The following RIMKLB variants were observed in gnomAD, a reference collection of about 807,000 sequenced individuals.
RIMKLB encodes beta-citrylglutamate synthase B.
A neutral mutation model predicts 32.0 loss-of-function variants in RIMKLB; 7 were observed. The ratio of observed to expected loss-of-function variants is 0.22; its 90% confidence interval spans 0.12 to 0.41. RIMKLB has a LOEUF of 0.41. Among genes scored for constraint, RIMKLB ranks in the 10% least tolerant of loss-of-function variants. The pLI is 1.00. For missense variants in RIMKLB, 289 were observed against 498.7 expected (o/e 0.58, Z 4.00); for synonymous variants, 172 against 185.1 (o/e 0.93, Z 0.57).
At chr12:8,748,369 C>T (rs1232290079) in intron 2 of RIMKLB, among the ~76,000 whole-genome samples, 1 of 151,892 alleles carries the variant, frequency 6.6e-6, no homozygotes, top group Non-Finnish European at 1.5e-5. Flanking sequence ...TTATTTCTTA[C>T]TATGCCTAAT....
intron 5 of RIMKLB, among the ~76,000 whole-genome samples, chr12:8,760,699 T>G (rs1259293823): frequency 6.6e-6 from 1 of 152,242 alleles, no homozygotes; most frequent in African/African-American, 2.4e-5. Context: ...TGGCCAGTGA[T>G]GATGAGCATT....
At chr12:8,687,820 GAA>G (rs752174507) in intron 1 of RIMKLB, among the ~76,000 whole-genome samples, 1,620 of 72,892 alleles carry the variant, frequency 0.022, 30 homozygotes, top group African/African-American at 0.088. Context: ...AAGTCAGGAA[GAA>G]AAAAAAAAAA....
upstream of RIMKLB, among the ~76,000 whole-genome samples, chr12:8,680,749 TGAAAAGCGTCGCTA>T (rs1942393954): frequency 6.6e-6 from 1 of 152,294 alleles, no homozygotes; most frequent in East Asian, 1.9e-4. Flanking sequence ...TCAGTTAAGA[TGAAAAGCGTCGCTA>T]GAGATCTTCC....
In RIMKLB at chr12:8,754,006, G is replaced by A; in HGVS notation, c.610G>A (p.Val204Ile). Residue 204 changes from valine (V) to isoleucine (I), a missense_variant, in exon 5 of 6, where the codon GTA becomes ATA. Val to Ile is a conservative substitution (Grantham distance 29). Around this residue, in one of 3 missense-constraint regions of RIMKLB, gnomAD observed 156 missense variants for 329.5 expected, o/e 0.47. Transcript: ENST00000535829. ...KYVKESHGRD[V>I]RVIVVGGRVV... is the part of the protein sequence containing the mutation. Reference sequence around the variant, plus strand: ...TGTTAAAGAGTCTCATGGACGGGATGTACGTGTCATTGTCGTGGGAGGCCG... The same window carrying A: ...TGTTAAAGAGTCTCATGGACGGGATATACGTGTCATTGTCGTGGGAGGCCG... 6.2e-7 allele frequency: 1 copy of A among 1,614,006 alleles called. No individual in the cohort carries two copies. The highest frequency in any genetic ancestry group is 8.5e-7 in the Non-Finnish European group (1 of 1,179,884).
intron 2 of RIMKLB, among the ~76,000 whole-genome samples, chr12:8,746,623 G>A (rs995069393): frequency 3.4e-5 from 5 of 149,056 alleles, no homozygotes; most frequent in Admixed American, 6.7e-5. Flanking sequence ...AAAAGAAAAA[G>A]ATATCAAGAT....
chr12:8,720,178 A>G (rs756896905), intron 2 of RIMKLB, among the ~76,000 whole-genome samples: 3 of 152,364 alleles, frequency 2.0e-5, no homozygotes, highest in Admixed American at 2.0e-4. Flanking sequence ...TAGAATATAG[A>G]ACATTAAGAC....
chr12:8,695,191 G>A (rs1000147896), upstream of RIMKLB, among the ~76,000 whole-genome samples: 2 of 82,884 alleles, frequency 2.4e-5, no homozygotes, highest in African/African-American at 4.6e-5. Context: ...GCACCGCCCC[G>A]CCCCCCCGCC....
upstream of RIMKLB, among the ~76,000 whole-genome samples, chr12:8,694,913 G>T (rs1489294618): frequency 6.6e-6 from 1 of 152,150 alleles, no homozygotes; most frequent in Admixed American, 6.5e-5. Flanking sequence ...GACTGTTTTG[G>T]TATCAGTTAG....
intron 1 of RIMKLB, among the ~76,000 whole-genome samples, chr12:8,709,567 G>A (rs1944189560): frequency 1.3e-5 from 2 of 152,222 alleles, no homozygotes; most frequent in African/African-American, 4.8e-5. Context: ...AAGAAGGCAA[G>A]CAGCTGTTGC....
chr12:8,697,035 C>T (rs1004766570), upstream of RIMKLB: 1 of 152,088 alleles, frequency 6.6e-6, no homozygotes, highest in South Asian at 2.1e-4. Flanking sequence ...TTGGGCTATA[C>T]TTTTATTTTT....
At chr12:8,718,637 G>GTC (rs759765108) in intron 2 of RIMKLB, among the ~76,000 whole-genome samples, 11,765 of 134,888 alleles carry the variant, frequency 0.087, 519 homozygotes, top group East Asian at 0.12. Context: ...GCGAGACTCC[G>GTC]TCTCTCTCTC....
At chr12:8,672,774 G>C in the RIMKLB span, among the ~76,000 whole-genome samples, 1 of 152,118 alleles carries the variant, frequency 6.6e-6, no homozygotes, top group African/African-American at 2.4e-5. Context: ...CCGTGCTCCT[G>C]CTTTCACCAT....
In RIMKLB at chr12:8,728,317, G is replaced by A. The variant is rs192467876; in HGVS notation, c.175+14276G>A. ...CTTGTATTTTTTGGTTGAAAGGTGG[G>A]AATTGTGTAAAAGGAACTGGAGTAA... is the stretch of plus-strand genomic sequence containing the variant. On this transcript the variant is annotated intron_variant, in intron 2 of 5. Transcript: ENST00000535829. 5.3e-4 allele frequency among the ~76,000 whole-genome samples: 80 copies of A among 152,308 alleles called. 1 individual carries two copies. Among genetic ancestry groups the A allele is most frequent in the African/African-American group, 1.8e-3 (73 of 41,554 alleles).
intron 1 of RIMKLB, among the ~76,000 whole-genome samples, chr12:8,683,074 T>C (rs555698538): frequency 6.6e-6 from 1 of 152,196 alleles, no homozygotes; most frequent in African/African-American, 2.4e-5. Flanking sequence ...CTCCATGTCT[T>C]TTGGAGGCCT....
rs199751953 is a variant in RIMKLB, at chr12:8,775,624, CAG to C, written c.*1843_*1844del. The C allele has an allele frequency of 1.5e-5, 15 of 985,694 alleles. No homozygotes were observed. In the East Asian group the frequency reaches 6.8e-4, roughly 45 times the overall value. The allele number at this position is 985,694 out of a possible 1,614,324, so 61.1% of individuals were successfully genotyped here. A position where few individuals can be genotyped will look rare whatever the true frequency, so the allele number is the denominator to read the frequency against. On this transcript the variant is annotated 3_prime_UTR_variant, in exon 6 of 6. Coordinates refer to ENST00000535829, the MANE Select transcript of RIMKLB (RefSeq NM_001297776.2). ...AAAGATCAGTATTAACCAGCTATAA[CAG>C]AGGTTTGATCATGCTTACTTGTACA...
At chr12:8,715,908 A>G (rs1944787191) in intron 2 of RIMKLB, among the ~76,000 whole-genome samples, 2 of 152,176 alleles carry the variant, frequency 1.3e-5, no homozygotes, top group African/African-American at 2.4e-5. Context: ...CTAAAACTCA[A>G]TATTTGTGAC....
rs945225117 is a variant in RIMKLB at position 8,775,631 on chromosome 12, T to G, written c.*1847T>G. ...AGTATTAACCAGCTATAACAGAGGT[T>G]TGATCATGCTTACTTGTACAGTTTT... On this transcript the variant is annotated 3_prime_UTR_variant, in exon 6 of 6. Transcript: ENST00000535829. 1.1e-5 allele frequency: 11 copies of G among 985,702 alleles called. No individual in the cohort carries two copies. The East Asian group carries it at 1.2e-3, about 112-fold the overall frequency. The allele number at this position is 985,702 out of a possible 1,614,324, so 61.1% of individuals were successfully genotyped here.
intron 2 of RIMKLB, among the ~76,000 whole-genome samples, chr12:8,745,108 C>T (rs1947954496): frequency 6.6e-6 from 1 of 151,750 alleles, no homozygotes; most frequent in Admixed American, 6.6e-5. Context: ...GGTTTTCTGT[C>T]CTTGTGAAAT....
At chr12:8,734,290 G>A (rs751702576) in intron 2 of RIMKLB, among the ~76,000 whole-genome samples, 2 of 152,198 alleles carry the variant, frequency 1.3e-5, no homozygotes, top group Non-Finnish European at 2.9e-5. Context: ...TGAACTAGGG[G>A]AGCAGTTCAA....
Sources: gnomAD v4.1 joint callset for allele counts (sites outside exome capture counted in the v4.1 genomes callset) on GRCh38, gnomAD v4.1.1 for gene constraint, gnomAD v4.1.1 regional missense constraint, MANE v1.5 for transcripts, NCBI Gene and HGNC (gene_info 2026-07-23, HGNC 2026-07-21) for gene names.